LDLRAD3: variants seen among roughly 807,000 people sequenced by gnomAD.
LDLRAD3 encodes low density lipoprotein receptor class A domain containing 3, also known as low-density lipoprotein receptor class A domain-containing protein 3.
Under a neutral mutation model 29.4 loss-of-function variants are expected in LDLRAD3, and 20 were observed. The ratio of observed to expected loss-of-function variants is 0.68; its 90% CI spans 0.48 to 0.99. The LOEUF (loss-of-function observed/expected upper bound fraction) is 0.99. LDLRAD3 is among the 50% of genes least tolerant of loss of function. The pLI, the probability that LDLRAD3 is intolerant of heterozygous loss-of-function variation, is 0.00. For missense variants in LDLRAD3, 420 were observed against 454.3 expected (o/e 0.92, Z 0.69); for synonymous variants, 157 against 192.7 (o/e 0.81, Z 1.53).
At chr11:36,187,435 GA>G (rs1266125566) in intron 4 of LDLRAD3, among the ~76,000 whole-genome samples, 1 of 152,064 alleles carries the variant, frequency 6.6e-6, no homozygotes, top group African/African-American at 2.4e-5. Context: ...TTTATTATAG[GA>G]ACGGAATCCT....
intron 1 of LDLRAD3, among the ~76,000 whole-genome samples, chr11:36,002,551 C>A (rs1851837846): frequency 6.6e-6 from 1 of 152,182 alleles, no homozygotes; most frequent in Non-Finnish European, 1.5e-5. Flanking sequence ...TCTCCCGGTG[C>A]TTTTTCTAAC....
intron 1 of LDLRAD3, among the ~76,000 whole-genome samples, chr11:36,016,227 G>C (rs900420103): frequency 6.6e-6 from 1 of 152,154 alleles, no homozygotes; most frequent in African/African-American, 2.4e-5. Context: ...GTTCTAAAAG[G>C]GAATAAAAGG....
At chr11:36,055,660 C>T (rs1015588196) in intron 2 of LDLRAD3, among the ~76,000 whole-genome samples, 4 of 152,222 alleles carry the variant, frequency 2.6e-5, no homozygotes, top group African/African-American at 7.2e-5. Context: ...GAAACCACAG[C>T]GCTAAAAGAC....
intron 1 of LDLRAD3, among the ~76,000 whole-genome samples, chr11:35,978,259 G>T (rs567894015): frequency 5.9e-4 from 90 of 152,316 alleles, no homozygotes; most frequent in Non-Finnish European, 1.1e-3. Context: ...TTGCATCAAA[G>T]GCAAAATCCA....
At chr11:36,227,495 C>T in intron 5 of LDLRAD3, 65 bp downstream of exon 5, 2 of 1,230,520 alleles carry the variant, frequency 1.6e-6, no homozygotes, top group Non-Finnish European at 2.2e-6. Flanking sequence ...GGAATAGGTG[C>T]ACACACTGAG....
At chr11:35,986,725 C>A (rs1054191724) in intron 1 of LDLRAD3, among the ~76,000 whole-genome samples, 1 of 152,216 alleles carries the variant, frequency 6.6e-6, no homozygotes, top group Non-Finnish European at 1.5e-5. Flanking sequence ...TGATACATGT[C>A]CCCTTTCTGC....
intron 4 of LDLRAD3, among the ~76,000 whole-genome samples, chr11:36,159,178 A>T (rs767459895): frequency 4.6e-5 from 7 of 152,208 alleles, no homozygotes; most frequent in Admixed American, 1.3e-4. Flanking sequence ...TCCATTGAAA[A>T]AGAACTTGGC....
intron 1 of LDLRAD3, among the ~76,000 whole-genome samples, chr11:35,958,525 C>G (rs756531317): frequency 1.1e-4 from 17 of 152,256 alleles, no homozygotes; most frequent in Non-Finnish European, 1.8e-4. Context: ...TCAGTCACCT[C>G]GAAGAATTGA....
intron 4 of LDLRAD3, among the ~76,000 whole-genome samples, chr11:36,187,055 C>T (rs1259751901): frequency 6.6e-6 from 1 of 152,126 alleles, no homozygotes; most frequent in Non-Finnish European, 1.5e-5. Flanking sequence ...GTGACCTGCC[C>T]CCAACTCCTG....
chr11:36,014,560 G>A (rs903838571), intron 1 of LDLRAD3, among the ~76,000 whole-genome samples: 20 of 152,094 alleles, frequency 1.3e-4, no homozygotes, highest in African/African-American at 3.6e-4. Flanking sequence ...CTCCTTTCCC[G>A]CCTGCCATGG....
intron 1 of LDLRAD3, among the ~76,000 whole-genome samples, chr11:36,003,034 G>A (rs1013999988): frequency 1.1e-4 from 17 of 152,244 alleles, no homozygotes; most frequent in African/African-American, 4.1e-4. Flanking sequence ...GACAAAGAAT[G>A]TGCAATTTCC....
chr11:36,199,490 C>T (rs1390954193), intron 4 of LDLRAD3, among the ~76,000 whole-genome samples: 1 of 152,196 alleles, frequency 6.6e-6, no homozygotes, highest in African/African-American at 2.4e-5. Flanking sequence ...TTCATCTCCT[C>T]TGTGGTACGA....
intron 4 of LDLRAD3, among the ~76,000 whole-genome samples, chr11:36,132,673 T>C (rs929898545): frequency 1.3e-5 from 2 of 152,252 alleles, no homozygotes; most frequent in African/African-American, 4.8e-5. Flanking sequence ...GTTGCGTTTT[T>C]TCTTCCTATC....
At chr11:36,132,056 AT>A (rs112706497) in intron 4 of LDLRAD3, among the ~76,000 whole-genome samples, 2,709 of 146,472 alleles carry the variant, frequency 0.018, 71 homozygotes, top group African/African-American at 0.052. Flanking sequence ...ATCAGCTGGG[AT>A]TTTTTTTTTT....
intron 4 of LDLRAD3, among the ~76,000 whole-genome samples, chr11:36,157,338 TG>T (rs1030483270): frequency 1.3e-5 from 2 of 152,088 alleles, no homozygotes; most frequent in Non-Finnish European, 2.9e-5. Flanking sequence ...GGGAGACCTC[TG>T]GGGGATGCCA....
intron 4 of LDLRAD3, among the ~76,000 whole-genome samples, chr11:36,101,345 G>A (rs1340950720): frequency 2.6e-5 from 4 of 152,220 alleles, no homozygotes; most frequent in Non-Finnish European, 4.4e-5. Context: ...TCTGTACATA[G>A]TGGATTTGCT....
At chr11:35,951,592 C>T (rs1449423364) in intron 1 of LDLRAD3, among the ~76,000 whole-genome samples, 1 of 152,156 alleles carries the variant, frequency 6.6e-6, no homozygotes, top group Non-Finnish European at 1.5e-5. Context: ...AAAGGGCTGG[C>T]TCTTGCTTTG....
At position 36,227,146 on chromosome 11, in the gene LDLRAD3, C is replaced by G; in HGVS notation, c.516C>G (p.Ile172Met). Residue 172 changes from isoleucine to methionine, a missense_variant, in exon 5 of 6, where the codon ATC becomes ATG. Around this residue, in one of 3 missense-constraint regions of LDLRAD3, gnomAD observed 224 missense variants for 222.2 expected, o/e 1.01. Coordinates refer to ENST00000315571, the MANE Select transcript of LDLRAD3 (RefSeq NM_174902.4). ...ACCAACTTGTGTATTACCCCAGCAT[C>G]ACCTATGCCATCATCGGCAGCTCCG... ...SENQLVYYPSITYAIIGSSVI... is the reference protein window; with the variant it reads ...SENQLVYYPSMTYAIIGSSVI... 1 of 1,613,604 alleles carries G rather than the reference C, an allele frequency of 6.2e-7. No homozygotes were observed. The highest frequency in any genetic ancestry group is 8.5e-7 in the Non-Finnish European group (1 of 1,179,730).
chr11:36,032,146 G>A (rs1852242945), intron 1 of LDLRAD3, among the ~76,000 whole-genome samples: 1 of 152,188 alleles, frequency 6.6e-6, no homozygotes, highest in Admixed American at 6.5e-5. Context: ...CCTCTTTAAA[G>A]ATCCTCATCT....
Sources: gnomAD v4.1 joint callset for allele counts (sites outside exome capture counted in the v4.1 genomes callset) on GRCh38, gnomAD v4.1.1 for gene constraint, gnomAD v4.1.1 regional missense constraint, MANE v1.5 for transcripts, NCBI Gene and HGNC (gene_info 2026-07-23, HGNC 2026-07-21) for gene names.